The following GRK3 variants were observed in gnomAD, a reference collection of about 807,000 sequenced individuals.
The protein encoded by GRK3 is adrenergic, beta, receptor kinase 2.
GRK3 carries 54 observed loss-of-function variants against 95.7 expected under a neutral mutation model. That is an observed-to-expected ratio of 0.56 (90% CI 0.45 to 0.71). The LOEUF (loss-of-function observed/expected upper bound fraction) is 0.71. Ranked by LOEUF, GRK3 falls within the 30% of genes least tolerant of loss-of-function variation. The pLI is 0.00. For missense variants in GRK3, 649 were observed against 851.2 expected, an observed-to-expected ratio of 0.76 and a Z score of 2.96; for synonymous variants, 281 against 290.8, an observed-to-expected ratio of 0.97 and a Z score of 0.34.
At chr22:25,624,565 A>T (rs2084613012) in intron 2 of GRK3, among the ~76,000 whole-genome samples, 1 of 151,944 alleles carries the variant, frequency 6.6e-6, no homozygotes, top group Non-Finnish European at 1.5e-5. Flanking sequence ...CTCCATCATT[A>T]AAAACAAAAA....
At chr22:25,652,551 T>C (rs2084839974) in intron 3 of GRK3, among the ~76,000 whole-genome samples, 1 of 152,210 alleles carries the variant, frequency 6.6e-6, no homozygotes, top group Admixed American at 6.5e-5. Flanking sequence ...TTAATGAAGT[T>C]AAAATATTTT....
chr22:25,628,571 A>C (rs929433813), intron 2 of GRK3, among the ~76,000 whole-genome samples: 1 of 152,194 alleles, frequency 6.6e-6, no homozygotes, highest in Non-Finnish European at 1.5e-5. Flanking sequence ...AGTGTTTTGG[A>C]AAAAAGGCTG....
In GRK3 at chr22:25,598,492, T is replaced by C. The variant is rs2084387370; in HGVS notation, c.114-5885T>C. ...TTCAAGACCAGCCTGGGCAACATGGTGAGACCCTGTCTCTACAAAAAAAAT... is the reference window on the plus strand; with the variant it reads ...TTCAAGACCAGCCTGGGCAACATGGCGAGACCCTGTCTCTACAAAAAAAAT... On this transcript the variant is annotated intron_variant, in intron 1 of 20. Transcript: ENST00000324198. 2.0e-5 allele frequency among the ~76,000 whole-genome samples: 3 copies of C among 151,724 alleles called. No homozygotes were observed. In the South Asian group the frequency reaches 6.2e-4, roughly 32 times the overall value.
intron 3 of GRK3, chr22:25,647,890 C>G (rs1601499394): frequency 1.7e-6 from 1 of 603,566 alleles, no homozygotes; most frequent in East Asian, 3.4e-5. Flanking sequence ...TTGGGCGGAT[C>G]ACCTGAGGTC....
intron 10 of GRK3, among the ~76,000 whole-genome samples, chr22:25,686,195 C>G (rs2085112391): frequency 6.6e-6 from 1 of 150,748 alleles, no homozygotes; most frequent in African/African-American, 2.4e-5. Context: ...GCACTCCAGT[C>G]TGGGTGACAG....
chr22:25,677,995 A>G (rs547808281), intron 8 of GRK3, among the ~76,000 whole-genome samples: 90 of 152,236 alleles, frequency 5.9e-4, no homozygotes, highest in Non-Finnish European at 1.1e-3. Flanking sequence ...GAAAAATCTT[A>G]TTGATTCTTT....
Position 25,601,274 on chromosome 22 carries a change from C to G in GRK3, c.114-3103C>G, listed in dbSNP as rs1466050163. Reference sequence around the variant, plus strand: ...ATATTCTAGGCAATAAAACACATATCAACAAATCATAAAAGAACTGAGTTA... The same window carrying G: ...ATATTCTAGGCAATAAAACACATATGAACAAATCATAAAAGAACTGAGTTA... On this transcript the variant is annotated intron_variant, in intron 1 of 20. Transcript: ENST00000324198. 4.6e-5 allele frequency among the ~76,000 whole-genome samples: 7 copies of G among 152,232 alleles called. No individual in the cohort carries two copies. In the East Asian group the frequency reaches 7.7e-4, roughly 17 times the overall value.
chr22:25,650,322 C>T (rs988221388), intron 3 of GRK3, among the ~76,000 whole-genome samples: 4 of 152,134 alleles, frequency 2.6e-5, no homozygotes, highest in Admixed American at 1.3e-4. Flanking sequence ...CCATCATGCC[C>T]GGCAATTTTT....
At chr22:25,630,262 G>A (rs1233036005) in intron 2 of GRK3, among the ~76,000 whole-genome samples, 1 of 152,124 alleles carries the variant, frequency 6.6e-6, no homozygotes, top group African/African-American at 2.4e-5. Flanking sequence ...TAGATGATTT[G>A]TGTTGTACAC....
intron 1 of GRK3, among the ~76,000 whole-genome samples, chr22:25,586,937 G>A (rs1932333644): frequency 1.4e-5 from 2 of 147,184 alleles, no homozygotes; most frequent in African/African-American, 5.0e-5. Flanking sequence ...TCAGGCTGGA[G>A]TGCATGGCAC....
intron 6 of GRK3, among the ~76,000 whole-genome samples, 154 bp downstream of exon 6, chr22:25,667,954 C>G (rs2084953555): frequency 6.6e-6 from 1 of 152,150 alleles, no homozygotes; most frequent in Non-Finnish European, 1.5e-5. Flanking sequence ...AAACTGTTTC[C>G]TCAGTACTTT....
At chr22:25,620,095 A>G (rs1210634451) in intron 2 of GRK3, among the ~76,000 whole-genome samples, 1 of 145,596 alleles carries the variant, frequency 6.9e-6, no homozygotes, top group East Asian at 2.1e-4. Flanking sequence ...GCAAGAAGGA[A>G]GGGAGAAGGA....
chr22:25,653,217 A>G (rs1470928025), intron 3 of GRK3, among the ~76,000 whole-genome samples: 2 of 152,264 alleles, frequency 1.3e-5, no homozygotes, highest in African/African-American at 4.8e-5. Flanking sequence ...ATTACATTTC[A>G]TGTAAAGGAT....
At chr22:25,648,736 C>A in intron 3 of GRK3, 1 of 1,103,432 alleles carries the variant, frequency 9.1e-7, no homozygotes, top group Non-Finnish European at 1.4e-6. Context: ...GATATGCCTG[C>A]TCAGATTGCT....
At chr22:25,622,003 T>C (rs1352487021) in intron 2 of GRK3, among the ~76,000 whole-genome samples, 1 of 152,218 alleles carries the variant, frequency 6.6e-6, no homozygotes, top group Non-Finnish European at 1.5e-5. Context: ...ATAACCAGTT[T>C]TTCCAACTGT....
chr22:25,607,367 T>TTC (rs1313579890), intron 2 of GRK3, among the ~76,000 whole-genome samples: 2 of 150,246 alleles, frequency 1.3e-5, no homozygotes, highest in East Asian at 2.0e-4. Flanking sequence ...TTTTTTTTTT[T>TTC]ACTCTTGGTT....
intron 1 of GRK3, among the ~76,000 whole-genome samples, chr22:25,579,399 G>T (rs971567106): frequency 5.9e-5 from 9 of 152,018 alleles, no homozygotes; most frequent in African/African-American, 2.2e-4. Flanking sequence ...GTTCACCTCA[G>T]CCTCTCAAAA....
chr22:25,590,056 G>C (rs948725428), intron 1 of GRK3, among the ~76,000 whole-genome samples: 6 of 152,144 alleles, frequency 3.9e-5, no homozygotes, highest in Non-Finnish European at 8.8e-5. Flanking sequence ...GATGAGATTT[G>C]GATGGGGACA....
At chr22:25,618,855 C>G (rs1025716675) in intron 2 of GRK3, among the ~76,000 whole-genome samples, 1 of 151,962 alleles carries the variant, frequency 6.6e-6, no homozygotes, top group Non-Finnish European at 1.5e-5. Context: ...GACCACTGTC[C>G]TAAGGTACCT....
Sources: allele counts gnomAD v4.1 joint callset (sites outside exome capture counted in the v4.1 genomes callset), GRCh38; gene constraint gnomAD v4.1.1; transcripts MANE v1.5; gene names NCBI Gene and HGNC (gene_info 2026-07-23, HGNC 2026-07-21).